AGBL2: variants seen among roughly 807,000 people sequenced by gnomAD.
The protein encoded by AGBL2 is AGBL carboxypeptidase 2, also known as cytosolic carboxypeptidase 2.
A neutral mutation model predicts 103.0 loss-of-function variants in AGBL2; 87 were observed. The ratio of observed to expected loss-of-function variants is 0.84; its 90% CI spans 0.71 to 1.01. The LOEUF is 1.01. Ranked by LOEUF, AGBL2 falls within the 50% of genes least tolerant of loss-of-function variation. The pLI is 0.00. For missense variants in AGBL2, 904 were observed against 1,023.5 expected (o/e 0.88, Z 1.59); for synonymous variants, 335 against 356.7 (o/e 0.94, Z 0.69).
chr11:47,673,022 G>A (rs539913986), intron 14 of AGBL2, among the ~76,000 whole-genome samples: 102 of 152,264 alleles, frequency 6.7e-4, no homozygotes, highest in Middle Eastern at 3.4e-3. Context: ...GGGAGACTAT[G>A]AAGGTACAGA....
chr11:47,708,007 C>T (rs1227816047), intron 4 of AGBL2, among the ~76,000 whole-genome samples: 3 of 151,986 alleles, frequency 2.0e-5, no homozygotes, highest in Non-Finnish European at 4.4e-5. Context: ...TCAAATGATC[C>T]TCCTGCCTCA....
chr11:47,707,285 T>C (rs2097524007), intron 4 of AGBL2, among the ~76,000 whole-genome samples: 1 of 152,170 alleles, frequency 6.6e-6, no homozygotes, highest in Non-Finnish European at 1.5e-5. Context: ...CTGTTTTAAT[T>C]TTCCCAGCTG....
At chr11:47,679,710 C>T (rs1311626420) in intron 13 of AGBL2, among the ~76,000 whole-genome samples, 1 of 150,342 alleles carries the variant, frequency 6.7e-6, no homozygotes, top group African/African-American at 2.5e-5. Flanking sequence ...GGTGTGATCT[C>T]GACTCAGTGC....
At chr11:47,711,076 A>G (rs2097535357) in intron 3 of AGBL2, among the ~76,000 whole-genome samples, 1 of 151,962 alleles carries the variant, frequency 6.6e-6, no homozygotes. Flanking sequence ...AAAGTTGAAA[A>G]AATAAATTAA....
intron 7 of AGBL2, among the ~76,000 whole-genome samples, chr11:47,700,436 G>A (rs753635585): frequency 5.3e-5 from 8 of 151,848 alleles, no homozygotes; most frequent in East Asian, 2.0e-4. Flanking sequence ...AAAATTAGCC[G>A]GGTATTGTGG....
At chr11:47,677,503 G>A (rs981941838) in intron 13 of AGBL2, 102 bp from the exon 14 acceptor site, 5 of 718,074 alleles carry the variant, frequency 7.0e-6, no homozygotes, top group Non-Finnish European at 9.1e-6. Context: ...GCCCAGGCTG[G>A]AGTACAATGG....
rs190260541 is a variant in AGBL2, at chr11:47,705,372, G to A, written c.400+149C>T. On this transcript the variant is annotated intron_variant, in intron 6 of 18. Coordinates refer to ENST00000525123, the MANE Select transcript of AGBL2 (RefSeq NM_024783.4). ...ATAAAAAAGAAAGGAGGGGCCAGGC[G>A]TGGTGGCTCAAGCCTGTAATCCCAG... 1.9e-4 allele frequency: 31 copies of A among 159,360 alleles called. 3 individuals are homozygous for A. Among genetic ancestry groups the A allele is most frequent in the African/African-American group, 6.0e-4 (25 of 41,590 alleles). 9.9% of individuals were successfully genotyped at this position (159,360 alleles called of 1,614,324 possible).
At position 47,674,371 on chromosome 11, in the gene AGBL2, A is replaced by G. The variant is rs145573887; in HGVS notation, c.2147+2900T>C. Among the ~76,000 whole-genome samples, 847 of 152,128 alleles carry G rather than the reference A, an allele frequency of 5.6e-3. 7 individuals are homozygous for G. The highest frequency in any genetic ancestry group is 8.4e-3 in the Non-Finnish European group (569 of 67,998). ...GAGGTCAGGAGTTCGAGACCAGCCT[A>G]TCCTAGGCAACACAGTGAAACCCTG... On this transcript the variant is annotated intron_variant, in intron 14 of 18. Transcript: ENST00000525123.
chr11:47,688,699 T>C (rs116063072), intron 10 of AGBL2, among the ~76,000 whole-genome samples: 4,980 of 152,214 alleles, frequency 0.033, 276 homozygotes, highest in African/African-American at 0.11. Context: ...TTAAATCACT[T>C]AGCCAAGGTC....
At chr11:47,680,189 C>T (rs551716415) in intron 12 of AGBL2, 116 bp from the exon 13 acceptor site, 23 of 605,258 alleles carry the variant, frequency 3.8e-5, no homozygotes, top group African/African-American at 2.3e-4. Flanking sequence ...GGGTGGTTTA[C>T]GCCTGTAATC....
intron 7 of AGBL2, among the ~76,000 whole-genome samples, chr11:47,701,452 A>G (rs2097498858): frequency 6.7e-6 from 1 of 149,196 alleles, no homozygotes; most frequent in South Asian, 2.2e-4. Flanking sequence ...ACTGGGCGAC[A>G]GAGCAAGACT....
Position 47,677,339 on chromosome 11 carries a change from A to C in AGBL2, c.2079T>G (p.His693Gln). ...LLRQEIHKKF[H>Q]ELGQDVDLEG... ...CTAAATCTACATCTTGTCCAAGTTC[A>C]TGGAATTTCTTGTGGATTTCCTGTC... The change falls in exon 14 of 19, where the codon CAT becomes CAG. Residue 693 changes from histidine (H) to glutamine (Q), a missense_variant. Physicochemically the swap from His to Gln is conservative, Grantham distance 24 (BLOSUM62 0). Coordinates refer to ENST00000525123, the MANE Select transcript of AGBL2 (RefSeq NM_024783.4). 6.2e-7 allele frequency: 1 copy of C among 1,611,916 alleles called. No individual in the cohort carries two copies. Among genetic ancestry groups the C allele is most frequent in the Non-Finnish European group, 8.5e-7 (1 of 1,178,764 alleles).
chr11:47,690,454 TG>T lies in AGBL2; in HGVS notation c.1252del (p.Gln418SerfsTer12), dbSNP rs748688926. 6.2e-7 allele frequency: 1 copy of T among 1,614,132 alleles called. No homozygotes were observed. The highest frequency in any genetic ancestry group is 1.1e-5 in the South Asian group (1 of 91,084). On this transcript the variant is annotated frameshift_variant, in exon 10 of 19. Transcript: ENST00000525123. LOFTEE classifies it high-confidence loss of function. ...GCATAAAGTTTGGAGCTTGCAGAAC[TG>T]AGACTGGATAGGGTTGTTTGCCACT... ...LSVANNPIQS[Q>X]FCKLQTLCRS...
Position 47,690,506 on chromosome 11 carries a change from T to TGTATGTATATGG in AGBL2, c.1189_1200dup (p.Pro397_Tyr400dup), listed in dbSNP as rs1565054375. The TGTATGTATATGG allele has an allele frequency of 6.2e-7, 1 of 1,614,052 alleles. No individual in the cohort carries two copies. The highest frequency in any genetic ancestry group is 2.2e-5 in the East Asian group (1 of 44,878). On this transcript the variant is annotated inframe_insertion, in exon 10 of 19. Transcript: ENST00000525123. ...GACAGGAGGTAGCATTGCAAATCAG[T>TGTATGTATATGG]GTATGTATATGGGTAGAAGTGTGCA...
At chr11:47,667,798 G>A (rs183623431) in intron 15 of AGBL2, 102 bp from the exon 16 acceptor site, 62 of 1,269,672 alleles carry the variant, frequency 4.9e-5, no homozygotes, top group East Asian at 1.4e-4. Flanking sequence ...AGGCTAACTC[G>A]GTATGCAGAT....
At chr11:47,671,476 C>T (rs775183455) in intron 14 of AGBL2, among the ~76,000 whole-genome samples, 8 of 151,972 alleles carry the variant, frequency 5.3e-5, no homozygotes, top group South Asian at 2.1e-4. Flanking sequence ...TGCAGTGAGC[C>T]GAGATCGCAC....
intron 7 of AGBL2, among the ~76,000 whole-genome samples, chr11:47,703,608 T>C (rs776346727): frequency 6.6e-6 from 1 of 151,638 alleles, no homozygotes; most frequent in Admixed American, 6.6e-5. Flanking sequence ...CTGGCCAACA[T>C]GGAGGAACGC....
chr11:47,713,344 C>CA (rs71045506), intron 3 of AGBL2, among the ~76,000 whole-genome samples: 3,848 of 55,424 alleles, frequency 0.069, 126 homozygotes, highest in African/African-American at 0.13. Flanking sequence ...GACTCTATCG[C>CA]AAAAAAAAAA....
chr11:47,678,655 T>TTTTG (rs953148609), intron 13 of AGBL2, among the ~76,000 whole-genome samples: 8 of 151,172 alleles, frequency 5.3e-5, no homozygotes, highest in African/African-American at 1.9e-4. Context: ...ATTATTAGTT[T>TTTTG]TTTGTTTGTT....
Sources: gnomAD v4.1 joint callset for allele counts (sites outside exome capture counted in the v4.1 genomes callset) on GRCh38, gnomAD v4.1.1 for gene constraint, MANE v1.5 for transcripts, NCBI Gene and HGNC (gene_info 2026-07-23, HGNC 2026-07-21) for gene names.